TROAP: variants seen among roughly 807,000 people sequenced by gnomAD.
TROAP encodes the protein trophinin associated protein.
In TROAP, 62 loss-of-function variants were observed where a neutral mutation model predicts 83.4. That is an observed-to-expected ratio of 0.74 (90% CI 0.61 to 0.92). The LOEUF is 0.92. TROAP is among the 40% of genes least tolerant of loss of function. TROAP has a pLI of 0.00. For synonymous variants in TROAP, 352 were observed against 386.4 expected, an observed-to-expected ratio of 0.91 and a Z score of 1.04; for missense variants, 876 against 985.1, an observed-to-expected ratio of 0.89 and a Z score of 1.48.
rs1020651620 is a variant in TROAP at position 49,325,589 on chromosome 12, G to A, written c.426G>A (p.Gly142=). 1.2e-5 allele frequency: 19 copies of A among 1,614,024 alleles called. No individual in the cohort carries two copies. Among genetic ancestry groups the A allele is most frequent in the Non-Finnish European group, 1.6e-5 (19 of 1,180,028 alleles). ...AGGGTGTGAAGAGCTGTCACCTGGGGCGCCAGCCTAGTCTGGCTAAAAGAG... is the reference window on the plus strand; with the variant it reads ...AGGGTGTGAAGAGCTGTCACCTGGGACGCCAGCCTAGTCTGGCTAAAAGAG... ...SGEGVKSCHL[G]RQPSLAKRVL... The change falls in exon 4 of 15, where the codon GGG becomes GGA. Residue 142 remains glycine (G), a synonymous_variant. Coordinates refer to ENST00000257909, the MANE Select transcript of TROAP (RefSeq NM_005480.4).
chr12:49,329,018 G>C lies in TROAP; in HGVS notation c.983G>C (p.Arg328Pro). Residue 328 changes from arginine (R) to proline (P), a missense_variant, in exon 9 of 15, where the codon CGG (arginine) becomes CCG (proline). Physicochemically the swap from Arg to Pro is moderately radical, Grantham distance 103 (BLOSUM62 -2). Around this residue, in one of 3 missense-constraint regions of TROAP, gnomAD observed 689 missense variants for 722.6 expected, o/e 0.95. Transcript: ENST00000257909. The surrounding 1 kb of genome is among the most constrained non-coding windows in gnomAD (Gnocchi z 4.5). ...GTGCCATGTCCATCACCCTTTGGAC[G>C]GGCTCAGCGTGTACCCTCCCCAGGC... ...HVVPCPSPFG[R>P]AQRVPSPGPP... 1 of 1,611,246 alleles carries C rather than the reference G, an allele frequency of 6.2e-7. No individual in the cohort carries two copies.
intron 2 of TROAP, 29 bp from the exon 3 acceptor site, chr12:49,323,816 C>T (rs1417347022): frequency 6.2e-7 from 1 of 1,613,924 alleles, no homozygotes. Context: ...CACTAAACCT[C>T]ACCTTTTTGT....
Position 49,325,526 on chromosome 12 carries a change from G to A in TROAP, c.363G>A (p.Val121=). ...AGGCTCCAGGGACCATAGAGTTTGTGGCTGACCCTGCAGCCCTGGCCACCA... is the reference window on the plus strand; with the variant it reads ...AGGCTCCAGGGACCATAGAGTTTGTAGCTGACCCTGCAGCCCTGGCCACCA... ...QTEAPGTIEF[V]ADPAALATIL... The change falls in exon 4 of 15, where the codon GTG becomes GTA. Residue 121 remains valine, a synonymous_variant. Transcript: ENST00000257909. The A allele has an allele frequency of 6.2e-7, 1 of 1,613,964 alleles. No homozygotes were observed. The highest frequency in any genetic ancestry group is 8.5e-7 in the Non-Finnish European group (1 of 1,180,010).
chr12:49,328,008 C>T (rs1354769094), intron 8 of TROAP, among the ~76,000 whole-genome samples: 1 of 151,860 alleles, frequency 6.6e-6, no homozygotes, highest in Non-Finnish European at 1.5e-5. Flanking sequence ...GGGAATGTGC[C>T]TGGTGTGTTT....
At position 49,331,378 on chromosome 12, in the gene TROAP, G is replaced by A. The variant is rs777920089; in HGVS notation, c.2263G>A (p.Ala755Thr). Residue 755 changes from alanine to threonine, a missense_variant, in exon 14 of 15, where the codon GCT becomes ACT. Around this residue, in one of 3 missense-constraint regions of TROAP, gnomAD observed 184 missense variants for 238.3 expected, o/e 0.77. Coordinates refer to ENST00000257909, the MANE Select transcript of TROAP (RefSeq NM_005480.4). Reference sequence around the variant, plus strand: ...CACCCGGGTCTGCACCAACCCTGTGGCTACATTACTCGAATGGCAGGATGC... The same window carrying A: ...CACCCGGGTCTGCACCAACCCTGTGACTACATTACTCGAATGGCAGGATGC... Reference protein sequence around the residue: ...GPTRVCTNPVATLLEWQDALC... With the variant: ...GPTRVCTNPVTTLLEWQDALC... 2.5e-6 allele frequency: 4 copies of A among 1,613,920 alleles called. No individual in the cohort carries two copies. The highest frequency in any genetic ancestry group is 1.1e-5 in the South Asian group (1 of 91,080).
In TROAP at chr12:49,325,503, G is replaced by C; in HGVS notation, c.340G>C (p.Ala114Pro). The change falls in exon 4 of 15, where the codon GCT (alanine) becomes CCT (proline). Residue 114 changes from alanine (A) to proline (P), a missense_variant and splice_region_variant. Ala to Pro is a conservative substitution (Grantham distance 27). Around this residue, in one of 3 missense-constraint regions of TROAP, gnomAD observed 689 missense variants for 722.6 expected, o/e 0.95. Transcript: ENST00000257909. ...VGPGPPAQTE[A>P]PGTIEFVADP... ...TTCCTTCTCCTCTTTCCTTGCAGAGGCTCCAGGGACCATAGAGTTTGTGGC... is the reference window on the plus strand; with the variant it reads ...TTCCTTCTCCTCTTTCCTTGCAGAGCCTCCAGGGACCATAGAGTTTGTGGC... 1.9e-6 allele frequency: 3 copies of C among 1,612,586 alleles called. No individual in the cohort carries two copies. Among genetic ancestry groups the C allele is most frequent in the East Asian group, 2.2e-5 (1 of 44,852 alleles).
chr12:49,328,644 C>T (rs1213395056), intron 8 of TROAP, among the ~76,000 whole-genome samples: 1 of 152,010 alleles, frequency 6.6e-6, no homozygotes, highest in Non-Finnish European at 1.5e-5. Flanking sequence ...GCGGGCAGAT[C>T]ACGAGGTCAG....
chr12:49,330,419 C>T lies in TROAP; in HGVS notation c.1574C>T (p.Ala525Val). Residue 525 changes from alanine (A) to valine (V), a missense_variant, in exon 13 of 15, where the codon GCC becomes GTC. Physicochemically the swap from Ala to Val is moderately conservative, Grantham distance 64. Transcript: ENST00000257909. ...CCGGCAGAGCCTGGGCCCCCAGAGG[C>T]CTTCTGTAGGAGTGAGCCTGAGATA... ...CPPAEPGPPE[A>V]FCRSEPEIPE... The T allele has an allele frequency of 6.2e-7, 1 of 1,614,188 alleles. No individual in the cohort carries two copies. The highest frequency in any genetic ancestry group is 8.5e-7 in the Non-Finnish European group (1 of 1,180,006).
rs1943446167 is a variant in TROAP at position 49,323,867 on chromosome 12, T to C, written c.167T>C (p.Leu56Pro). 6.2e-7 allele frequency: 1 copy of C among 1,613,862 alleles called. No individual in the cohort carries two copies. Among genetic ancestry groups the C allele is most frequent in the Non-Finnish European group, 8.5e-7 (1 of 1,180,036 alleles). Residue 56 changes from leucine (L) to proline (P), a missense_variant, in exon 3 of 15, where the codon CTC (leucine) becomes CCC (proline). By Grantham distance (98) the Leu-to-Pro change is moderately conservative. Around this residue, in one of 3 missense-constraint regions of TROAP, gnomAD observed 689 missense variants for 722.6 expected, o/e 0.95. Transcript: ENST00000257909. ...DPRRWVQKPP[L>P]NIQRPLVDSA... is the part of the protein sequence containing the mutation. ...TAGAGATGGGTGCAGAAACCACCGCTCAATATTCAACGCCCCCTCGTTGAT... is the reference window on the plus strand; with the variant it reads ...TAGAGATGGGTGCAGAAACCACCGCCCAATATTCAACGCCCCCTCGTTGAT...
intron 3 of TROAP, 73 bp from the exon 4 acceptor site, chr12:49,325,428 C>A (rs1943483532): frequency 2.7e-6 from 4 of 1,478,292 alleles, no homozygotes; most frequent in Non-Finnish European, 3.6e-6. Context: ...CCTTGTACCT[C>A]AAAGTTCCTA....
chr12:49,324,476 G>A (rs1296404708), intron 3 of TROAP: 1 of 319,642 alleles, frequency 3.1e-6, no homozygotes, highest in African/African-American at 2.2e-5. Context: ...TATATACCTT[G>A]GCTTGAGTCT....
intron 7 of TROAP, 23 bp downstream of exon 7, chr12:49,326,743 G>C (rs1354238759): frequency 9.6e-6 from 15 of 1,557,248 alleles, no homozygotes; most frequent in Non-Finnish European, 1.2e-5. Context: ...GGCGTGGGGA[G>C]AGAACAGGGG....
intron 3 of TROAP, among the ~76,000 whole-genome samples, chr12:49,325,053 GGC>G (rs1332418953): frequency 2.0e-5 from 3 of 151,508 alleles, no homozygotes; most frequent in African/African-American, 7.3e-5. Flanking sequence ...TGGTACTACA[GGC>G]GCGCGCCACC....
At chr12:49,324,273 G>A in intron 3 of TROAP, 2 of 1,510,438 alleles carry the variant, frequency 1.3e-6, no homozygotes, top group Non-Finnish European at 1.8e-6. Flanking sequence ...TCAGGAGGCT[G>A]AAGCAGGAGG....
At position 49,329,800 on chromosome 12, in the gene TROAP, C is replaced by A; in HGVS notation, c.1165-57C>A. On this transcript the variant is annotated intron_variant, in intron 11 of 14. Coordinates refer to ENST00000257909, the MANE Select transcript of TROAP (RefSeq NM_005480.4). The surrounding 1 kb of genome is among the most constrained non-coding windows in gnomAD (Gnocchi z 4.5). ...ATTCCTCATGAGGGTGGGACTCAGG[C>A]TGGTCTTTCTCCTGCCCCAGCCTGG... 6.3e-7 allele frequency: 1 copy of A among 1,593,510 alleles called. No individual in the cohort carries two copies. Among genetic ancestry groups the A allele is most frequent in the Non-Finnish European group, 8.6e-7 (1 of 1,168,810 alleles).
In TROAP at chr12:49,331,214, G is replaced by GCC; in HGVS notation, c.2100_2101dup (p.Leu701ProfsTer10). The GCC allele has an allele frequency of 6.2e-7, 1 of 1,614,138 alleles. No homozygotes were observed. The highest frequency in any genetic ancestry group is 8.5e-7 in the Non-Finnish European group (1 of 1,180,020). Reference sequence around the variant, plus strand: ...CCTCTAAATTTTCCATGCCCCTCAGGCCTCAGCAATCTGGCCCCTCGAACC... The same window carrying GCC: ...CCTCTAAATTTTCCATGCCCCTCAGGCCCCTCAGCAATCTGGCCCCTCGAACC... On this transcript the variant is annotated frameshift_variant and splice_region_variant, in exon 14 of 15. Coordinates refer to ENST00000257909, the MANE Select transcript of TROAP (RefSeq NM_005480.4). LOFTEE classifies it high-confidence loss of function.
Position 49,330,905 on chromosome 12 carries a change from GCTCA to G in TROAP, c.2064_2067del (p.Leu689SerfsTer3). ...CCGCTTTGTGCCAGCCCCCCTATCTGCTCACTCCAGTCTTTGAGACCCCCAGCAG... is the reference window on the plus strand; with the variant it reads ...CCGCTTTGTGCCAGCCCCCCTATCTGCTCCAGTCTTTGAGACCCCCAGCAG... On this transcript the variant is annotated frameshift_variant, in exon 13 of 15. Transcript: ENST00000257909. LOFTEE classifies it high-confidence loss of function. 1 of 1,612,490 alleles carries G rather than the reference GCTCA, an allele frequency of 6.2e-7. No homozygotes were observed. The highest frequency in any genetic ancestry group is 8.5e-7 in the Non-Finnish European group (1 of 1,179,982).
rs778278143 is a variant in TROAP at position 49,328,910 on chromosome 12, C to T, written c.892-17C>T. ...AAGGGGGCGGGGATCACTCTTCCACCTTTTTCTTCTTCACAGGACAGCCAT... is the reference window on the plus strand; with the variant it reads ...AAGGGGGCGGGGATCACTCTTCCACTTTTTTCTTCTTCACAGGACAGCCAT... On this transcript the variant is annotated splice_polypyrimidine_tract_variant and intron_variant, in intron 8 of 14. Coordinates refer to ENST00000257909, the MANE Select transcript of TROAP (RefSeq NM_005480.4). The T allele has an allele frequency of 6.6e-7, 1 of 1,523,084 alleles. No homozygotes were observed. The highest frequency in any genetic ancestry group is 2.2e-5 in the Admixed American group (1 of 45,560). The allele number at this position is 1,523,084 out of a possible 1,614,324, so 94.3% of individuals were successfully genotyped here. A position where few individuals can be genotyped will look rare whatever the true frequency, so the allele number is the denominator to read the frequency against.
intron 13 of TROAP, 83 bp downstream of exon 13, chr12:49,331,026 A>G: frequency 6.4e-7 from 1 of 1,572,286 alleles, no homozygotes; most frequent in Non-Finnish European, 8.7e-7. Context: ...CCCCTACCCC[A>G]GGCAATCTCA....
Sources: gnomAD v4.1 joint callset for allele counts (sites outside exome capture counted in the v4.1 genomes callset) on GRCh38, gnomAD v4.1.1 for gene constraint, gnomAD v4.1.1 regional missense constraint, Gnocchi (gnomAD v3.1) non-coding constraint, MANE v1.5 for transcripts, NCBI Gene and HGNC (gene_info 2026-07-23, HGNC 2026-07-21) for gene names.